The following PTPRD variants were observed in gnomAD, a reference collection of about 807,000 sequenced individuals.
PTPRD encodes protein tyrosine phosphatase receptor type D, also known as receptor-type tyrosine-protein phosphatase delta.
A neutral mutation model predicts 214.5 loss-of-function variants in PTPRD; 34 were observed. The observed-to-expected ratio is 0.16, with a 90% confidence interval of 0.12 to 0.21. The LOEUF (loss-of-function observed/expected upper bound fraction) is 0.21, where lower values mean the gene tolerates loss of function less well. Ranked by LOEUF, PTPRD falls within the 10% of genes least tolerant of loss-of-function variation. PTPRD has a pLI of 1.00. For synonymous variants in PTPRD, 1,128 were observed against 845.7 expected, an observed-to-expected ratio of 1.33 and a Z score of -5.79; for missense variants, 2,545 against 2,398.7, an observed-to-expected ratio of 1.06 and a Z score of -1.27.
intron 7 of PTPRD, among the ~76,000 whole-genome samples, chr9:9,593,085 AGAGG>A (rs2092909185): frequency 6.6e-6 from 1 of 151,236 alleles, no homozygotes; most frequent in African/African-American, 2.4e-5. Flanking sequence ...AGAAAGAGAG[AGAGG>A]AAGAAAGACA....
At chr9:8,770,188 G>C (rs1219434006) in intron 11 of PTPRD, among the ~76,000 whole-genome samples, 1 of 152,062 alleles carries the variant, frequency 6.6e-6, no homozygotes, top group Admixed American at 6.6e-5. Context: ...GGCTGAGGCA[G>C]AGAGAATTGC....
intron 7 of PTPRD, among the ~76,000 whole-genome samples, chr9:9,642,117 G>T (rs937097211): frequency 1.4e-4 from 21 of 147,864 alleles, no homozygotes; most frequent in African/African-American, 2.5e-5. Context: ...CCTTTGTAGG[G>T]ACATGGATGA....
intron 5 of PTPRD, among the ~76,000 whole-genome samples, chr9:9,823,252 G>T (rs1055622695): frequency 6.6e-6 from 1 of 151,948 alleles, no homozygotes; most frequent in Non-Finnish European, 1.5e-5. Flanking sequence ...TTCTGGGAAG[G>T]CCTCAGGAAG....
At chr9:8,541,280 A>T (rs996280791) in intron 14 of PTPRD, among the ~76,000 whole-genome samples, 143 of 152,272 alleles carry the variant, frequency 9.4e-4, no homozygotes, top group Admixed American at 2.6e-3. Context: ...CCCAGGCTGG[A>T]CTGCAATGGT....
intron 9 of PTPRD, among the ~76,000 whole-genome samples, chr9:9,296,023 TG>T (rs1478229690): frequency 1.3e-5 from 2 of 151,860 alleles, no homozygotes; most frequent in Non-Finnish European, 2.9e-5. Flanking sequence ...TTGTTTGTTT[TG>T]TTTTTGGTAA....
chr9:10,428,316 A>C (rs1252768180), intron 2 of PTPRD, among the ~76,000 whole-genome samples: 1 of 152,060 alleles, frequency 6.6e-6, no homozygotes, highest in Non-Finnish European at 1.5e-5. Flanking sequence ...TGGGGGAAAA[A>C]AAATCATATT....
rs1440008272 is a variant in PTPRD, at chr9:8,465,528, G to A, written c.3652C>T (p.Gln1218Ter). Residue 1218 changes from glutamine to a stop codon, truncating the protein, a stop_gained, in exon 32 of 46, where the codon CAA (glutamine) becomes TAA (stop). Transcript: ENST00000381196. LOFTEE classifies it high-confidence loss of function. ...DKHYGGFTNK[Q>*]LQSGQEYVFF... The stretch of plus-strand genomic sequence containing the variant: ...ACATATTCTTGACCACTTTGGAGTT[G>A]CTTGTTTGTAAATCCACCATAATGC... 6.2e-7 allele frequency: 1 copy of A among 1,612,642 alleles called. No homozygotes were observed. The highest frequency in any genetic ancestry group is 8.5e-7 in the Non-Finnish European group (1 of 1,179,056).
At chr9:8,860,899 C>T (rs1272408383) in intron 11 of PTPRD, 1 of 152,168 alleles carries the variant, frequency 6.6e-6, no homozygotes, top group African/African-American at 2.4e-5. Flanking sequence ...TTCATCATCA[C>T]CTCCACATTC....
intron 11 of PTPRD, among the ~76,000 whole-genome samples, chr9:8,879,512 C>T (rs1340772785): frequency 6.6e-6 from 1 of 152,184 alleles, no homozygotes; most frequent in East Asian, 1.9e-4. Context: ...GGCCCATTAT[C>T]ATGGAGCTCA....
intron 12 of PTPRD, among the ~76,000 whole-genome samples, chr9:8,704,636 G>C (rs112288735): frequency 2.6e-5 from 4 of 152,012 alleles, no homozygotes; most frequent in Non-Finnish European, 5.9e-5. Flanking sequence ...GCTTAAGACA[G>C]GTAAAATACC....
intron 2 of PTPRD, among the ~76,000 whole-genome samples, chr9:10,591,070 T>C (rs531007603): frequency 6.6e-6 from 1 of 151,610 alleles, no homozygotes; most frequent in East Asian, 2.0e-4. Context: ...AAAAGACTGA[T>C]GGGCAGATTC....
chr9:8,865,477 T>C (rs538200029), intron 11 of PTPRD, among the ~76,000 whole-genome samples: 10 of 152,268 alleles, frequency 6.6e-5, no homozygotes, highest in Non-Finnish European at 7.4e-5. Context: ...ACATCTTACA[T>C]GATACATCAC....
At chr9:8,524,860 C>A (rs1194429931) in intron 18 of PTPRD, 65 bp downstream of exon 18, 1 of 1,312,806 alleles carries the variant, frequency 7.6e-7, no homozygotes, top group Non-Finnish European at 1.1e-6. Flanking sequence ...AACACGGACC[C>A]TGCGGCGTCT....
Position 10,313,570 on chromosome 9 carries a change from T to C in PTPRD, c.-545+27393A>G, listed in dbSNP as rs141497416. ...GCTCTTAATCAACTTGAAGATAAAGTAGCTATTTCTCAGCAAGGGATGTAA... is the reference window on the plus strand; with the variant it reads ...GCTCTTAATCAACTTGAAGATAAAGCAGCTATTTCTCAGCAAGGGATGTAA... On this transcript the variant is annotated intron_variant, in intron 3 of 45. Coordinates refer to ENST00000381196, the MANE Select transcript of PTPRD (RefSeq NM_002839.4). 1.4e-3 allele frequency among the ~76,000 whole-genome samples: 214 copies of C among 152,062 alleles called. 2 individuals carry two copies. The East Asian group carries it at 0.026, about 19-fold the overall frequency.
chr9:8,735,239 G>A (rs1385290481), intron 11 of PTPRD, among the ~76,000 whole-genome samples: 3 of 151,160 alleles, frequency 2.0e-5, no homozygotes, highest in Non-Finnish European at 4.4e-5. Flanking sequence ...TGCTTCCCAG[G>A]TTCAAGTGGT....
At chr9:8,744,818 G>A (rs55714349) in intron 11 of PTPRD, among the ~76,000 whole-genome samples, 72,319 of 151,936 alleles carry the variant, frequency 0.48, 17,809 homozygotes, top group South Asian at 0.58. Flanking sequence ...AATTTTAAAG[G>A]CAGAACATTA....
intron 2 of PTPRD, among the ~76,000 whole-genome samples, chr9:10,346,889 C>T (rs1158351275): frequency 1.3e-5 from 2 of 152,092 alleles, no homozygotes; most frequent in African/African-American, 4.8e-5. Flanking sequence ...TAGATCTATC[C>T]ATCTGTCTAA....
At chr9:9,307,559 C>T (rs1957522021) in intron 9 of PTPRD, among the ~76,000 whole-genome samples, 1 of 152,102 alleles carries the variant, frequency 6.6e-6, no homozygotes, top group Admixed American at 6.6e-5. Context: ...AATCTCATGT[C>T]TTTGCCTTTT....
chr9:10,594,957 G>C (rs1276252449), intron 2 of PTPRD, among the ~76,000 whole-genome samples: 1 of 151,974 alleles, frequency 6.6e-6, no homozygotes, highest in Non-Finnish European at 1.5e-5. Flanking sequence ...GGATTTGTTG[G>C]GGTGGGGCAA....
Sources: gnomAD v4.1 joint callset for allele counts (sites outside exome capture counted in the v4.1 genomes callset) on GRCh38, gnomAD v4.1.1 for gene constraint, MANE v1.5 for transcripts, NCBI Gene and HGNC (gene_info 2026-07-23, HGNC 2026-07-21) for gene names.